The following CDK14 variants were observed in gnomAD, a reference collection of about 807,000 sequenced individuals.
CDK14 encodes the protein cyclin-dependent kinase 14.
In CDK14, 34 loss-of-function variants were observed where a neutral mutation model predicts 60.7. The observed-to-expected ratio is 0.56, with a 90% CI of 0.43 to 0.75. The LOEUF is 0.75. Among genes scored for constraint, CDK14 ranks in the 30% least tolerant of loss-of-function variants. The probability of loss-of-function intolerance (pLI) is 0.00; values close to 1 mark genes in which losing one functional copy is unlikely to be tolerated. For synonymous variants in CDK14, 197 were observed against 203.7 expected, an observed-to-expected ratio of 0.97 and a Z score of 0.28; for missense variants, 482 against 564.1, an observed-to-expected ratio of 0.85 and a Z score of 1.47.
chr7:90,688,581 C>A (rs1801489006), intron 2 of CDK14, among the ~76,000 whole-genome samples: 1 of 151,988 alleles, frequency 6.6e-6, no homozygotes, highest in Non-Finnish European at 1.5e-5. Flanking sequence ...TGGGCAATGA[C>A]AGTAAGAGGT....
chr7:90,744,322 T>G (rs896764561), intron 3 of CDK14, among the ~76,000 whole-genome samples: 3 of 152,130 alleles, frequency 2.0e-5, no homozygotes, highest in Non-Finnish European at 4.4e-5. Flanking sequence ...AGCACAGGGT[T>G]GGGGGTAAGG....
chr7:91,054,974 G>T (rs1797508565), intron 11 of CDK14, among the ~76,000 whole-genome samples: 1 of 152,110 alleles, frequency 6.6e-6, no homozygotes, highest in South Asian at 2.1e-4. Context: ...AGACCTACAG[G>T]CTACAAAAAG....
chr7:91,067,215 G>GT (rs1376804461), intron 11 of CDK14, among the ~76,000 whole-genome samples: 9 of 152,146 alleles, frequency 5.9e-5, no homozygotes, highest in African/African-American at 2.2e-4. Context: ...GGCTAATTAT[G>GT]TTTTTTCATC....
In CDK14 at chr7:91,151,656, A is replaced by G. The variant is rs117983138; in HGVS notation, c.*28+33448A>G. Among the ~76,000 whole-genome samples, 26 of 152,286 alleles carry G rather than the reference A, an allele frequency of 1.7e-4. No individual in the cohort carries two copies. In the East Asian group the frequency reaches 4.8e-3, roughly 28 times the overall value. On this transcript the variant is annotated intron_variant, in intron 14 of 14. Transcript: ENST00000380050. ...AATGACATCCCTCTTGGCGGTCCAC[A>G]TTTGGTTCTAAAAGGTCACTTGTGT...
At chr7:90,962,688 C>T (rs1308506237) in intron 9 of CDK14, among the ~76,000 whole-genome samples, 1 of 152,074 alleles carries the variant, frequency 6.6e-6, no homozygotes, top group Non-Finnish European at 1.5e-5. Context: ...ATAAAAATTT[C>T]CCCATTTTAA....
At chr7:90,751,588 G>A (rs1462771946) in intron 4 of CDK14, among the ~76,000 whole-genome samples, 1 of 152,172 alleles carries the variant, frequency 6.6e-6, no homozygotes, top group Non-Finnish European at 1.5e-5. Flanking sequence ...ATGGCCCACA[G>A]ATTCTGTAAA....
chr7:91,025,202 A>G (rs1295115691), intron 10 of CDK14, among the ~76,000 whole-genome samples: 1 of 152,126 alleles, frequency 6.6e-6, no homozygotes, highest in Non-Finnish European at 1.5e-5. Context: ...TATATTATGA[A>G]TGCACCATAA....
At chr7:91,046,002 G>A (rs1400705523) in intron 11 of CDK14, 42 bp downstream of exon 11, 3 of 1,285,440 alleles carry the variant, frequency 2.3e-6, no homozygotes, top group Admixed American at 3.4e-5. Context: ...CTTCCTATAT[G>A]CAAAAGGTGA....
chr7:90,803,399 G>A (rs762230675), intron 5 of CDK14, among the ~76,000 whole-genome samples: 6 of 152,128 alleles, frequency 3.9e-5, no homozygotes, highest in Non-Finnish European at 8.8e-5. Context: ...AAAGGTTTTG[G>A]CAGTAGGGAT....
At chr7:91,061,555 C>T (rs574800488) in intron 11 of CDK14, among the ~76,000 whole-genome samples, 10 of 152,240 alleles carry the variant, frequency 6.6e-5, no homozygotes, top group East Asian at 1.9e-4. Flanking sequence ...TCTTTGATGA[C>T]GATGACGTAC....
intron 8 of CDK14, among the ~76,000 whole-genome samples, chr7:90,953,311 G>A (rs10085774): frequency 0.07 from 10,720 of 152,176 alleles, 448 homozygotes; most frequent in East Asian, 0.18. Flanking sequence ...CATTTTAAGA[G>A]ACTCAGTCTT....
At chr7:90,698,067 C>CAAAAAAAAAAAAAAAAAAAAA (rs71104484) in intron 2 of CDK14, among the ~76,000 whole-genome samples, 1 of 75,746 alleles carries the variant, frequency 1.3e-5, no homozygotes, top group Non-Finnish European at 2.3e-5. Context: ...GACTCTGTCT[C>CAAAAAAAAAAAAAAAAAAAAA]AAAAAAAAAA....
intron 10 of CDK14, among the ~76,000 whole-genome samples, chr7:91,030,808 G>A (rs1374254566): frequency 6.6e-6 from 1 of 152,072 alleles, no homozygotes; most frequent in East Asian, 1.9e-4. Flanking sequence ...TCAGTTCTTG[G>A]CCTCAGAGTC....
intron 5 of CDK14, among the ~76,000 whole-genome samples, chr7:90,855,215 T>G (rs1191618120): frequency 6.6e-6 from 1 of 152,216 alleles, no homozygotes; most frequent in Non-Finnish European, 1.5e-5. Flanking sequence ...AATTACAGGC[T>G]GATACAGGGT....
At chr7:91,053,456 C>T (rs1797449740) in intron 11 of CDK14, among the ~76,000 whole-genome samples, 1 of 152,170 alleles carries the variant, frequency 6.6e-6, no homozygotes, top group Non-Finnish European at 1.5e-5. Flanking sequence ...TTGTCAGGCT[C>T]TTCCCAACTC....
At chr7:90,869,378 C>T (rs141616146) in intron 6 of CDK14, among the ~76,000 whole-genome samples, 1 of 152,164 alleles carries the variant, frequency 6.6e-6, no homozygotes. Context: ...GTCTGAGGAA[C>T]AGCAGGGCTG....
chr7:90,952,706 A>G (rs1256424038), intron 8 of CDK14, among the ~76,000 whole-genome samples: 2 of 152,296 alleles, frequency 1.3e-5, no homozygotes, highest in Non-Finnish European at 1.5e-5. Context: ...AGAAGTTTTG[A>G]TAATAATCCA....
At chr7:91,176,152 A>G (rs1442725611) in intron 14 of CDK14, among the ~76,000 whole-genome samples, 1 of 151,750 alleles carries the variant, frequency 6.6e-6, no homozygotes, top group Non-Finnish European at 1.5e-5. Context: ...AGGATTAAGA[A>G]TCTCACTCAA....
At chr7:91,181,447 A>T (rs1801998194) in intron 14 of CDK14, among the ~76,000 whole-genome samples, 1 of 152,050 alleles carries the variant, frequency 6.6e-6, no homozygotes, top group African/African-American at 2.4e-5. Flanking sequence ...TGTGATGGTG[A>T]TGTATATTTC....
Sources: gnomAD v4.1 joint callset for allele counts (sites outside exome capture counted in the v4.1 genomes callset) on GRCh38, gnomAD v4.1.1 for gene constraint, MANE v1.5 for transcripts, NCBI Gene and HGNC (gene_info 2026-07-23, HGNC 2026-07-21) for gene names.